GPC5: variants seen among roughly 807,000 people sequenced by gnomAD.
GPC5 encodes the protein glypican 5.
Under a neutral mutation model 53.9 loss-of-function variants are expected in GPC5, and 47 were observed. That is an observed-to-expected ratio of 0.87 (90% CI 0.69 to 1.11). The LOEUF is 1.11. GPC5 is among the 50% of genes most tolerant of loss of function. The probability of loss-of-function intolerance (pLI) is 0.00; values close to 1 mark genes in which losing one functional copy is unlikely to be tolerated. For synonymous variants in GPC5, 286 were observed against 263.3 expected (o/e 1.09, Z -0.84); for missense variants, 748 against 713.1 (o/e 1.05, Z -0.56).
At chr13:92,391,603 A>G (rs1414501926) in intron 7 of GPC5, among the ~76,000 whole-genome samples, 1 of 152,174 alleles carries the variant, frequency 6.6e-6, no homozygotes, top group African/African-American at 2.4e-5. Flanking sequence ...CTATAGATCA[A>G]TTTATTTGCT....
At chr13:92,653,453 G>A (rs1305396717) in intron 7 of GPC5, among the ~76,000 whole-genome samples, 1 of 152,154 alleles carries the variant, frequency 6.6e-6, no homozygotes, top group Non-Finnish European at 1.5e-5. Flanking sequence ...GACAGCATCT[G>A]CTAAAATGTC....
chr13:91,431,747 G>C (rs1879469291), intron 1 of GPC5, among the ~76,000 whole-genome samples: 1 of 152,192 alleles, frequency 6.6e-6, no homozygotes, highest in Non-Finnish European at 1.5e-5. Flanking sequence ...GGGATGTTGA[G>C]AGAGCTGTTC....
rs552260918 is a variant in GPC5, at chr13:92,811,489, G to A, written c.1562-54793G>A. On this transcript the variant is annotated intron_variant, in intron 7 of 7. Coordinates refer to ENST00000377067, the MANE Select transcript of GPC5 (RefSeq NM_004466.6). ...TGGGCTGTTCTGTTGATACTGAGTC[G>A]TAGCTATTCTTTATACATTCTAGAT... 5.3e-5 allele frequency among the ~76,000 whole-genome samples: 8 copies of A among 151,672 alleles called. No homozygotes were observed. The East Asian group carries it at 5.8e-4, about 11-fold the overall frequency.
intron 4 of GPC5, among the ~76,000 whole-genome samples, chr13:91,738,555 C>T (rs1566649975): frequency 1.3e-5 from 2 of 151,250 alleles, no homozygotes; most frequent in Admixed American, 6.6e-5. Flanking sequence ...TGCTGTCTTG[C>T]TCTTTTTTTT....
intron 7 of GPC5, among the ~76,000 whole-genome samples, chr13:92,562,673 T>C (rs2139031082): frequency 6.6e-6 from 1 of 152,106 alleles, no homozygotes; most frequent in East Asian, 1.9e-4. Context: ...TCATCATAGG[T>C]CTGGGGGCTA....
At chr13:92,834,197 T>A (rs1878146406) in intron 7 of GPC5, among the ~76,000 whole-genome samples, 1 of 152,208 alleles carries the variant, frequency 6.6e-6, no homozygotes, top group African/African-American at 2.4e-5. Context: ...ACACTTTGTC[T>A]ATTAACACAA....
intron 5 of GPC5, among the ~76,000 whole-genome samples, chr13:91,902,509 A>C (rs2039507489): frequency 1.3e-5 from 2 of 152,124 alleles, no homozygotes; most frequent in South Asian, 4.2e-4. Flanking sequence ...TAGAAGAAAG[A>C]AGCACAGATG....
intron 2 of GPC5, among the ~76,000 whole-genome samples, chr13:91,644,609 C>A (rs2034514173): frequency 6.6e-6 from 1 of 151,948 alleles, no homozygotes; most frequent in Non-Finnish European, 1.5e-5. Context: ...TCCTGTTACC[C>A]TTTGTAACAG....
At chr13:91,888,515 G>A (rs533243810) in intron 5 of GPC5, among the ~76,000 whole-genome samples, 4 of 152,280 alleles carry the variant, frequency 2.6e-5, no homozygotes, top group East Asian at 1.9e-4. Flanking sequence ...AGTTGTGAGC[G>A]AGTATTTATT....
intron 7 of GPC5, among the ~76,000 whole-genome samples, chr13:92,212,132 T>C (rs957647805): frequency 2.3e-4 from 34 of 150,416 alleles, no homozygotes; most frequent in African/African-American, 8.1e-4. Context: ...TTAGATGAGA[T>C]GGCCAGAAAA....
intron 2 of GPC5, among the ~76,000 whole-genome samples, chr13:91,533,855 T>C (rs1216436434): frequency 6.6e-6 from 1 of 152,150 alleles, no homozygotes; most frequent in Non-Finnish European, 1.5e-5. Context: ...TCCTTCCAAG[T>C]CTGAATCAGA....
intron 6 of GPC5, among the ~76,000 whole-genome samples, chr13:91,992,599 A>G (rs1421076200): frequency 6.6e-6 from 1 of 151,926 alleles, no homozygotes; most frequent in Admixed American, 6.6e-5. Context: ...CTTGGACTGC[A>G]GGCGTCAGCC....
At position 91,483,475 on chromosome 13, in the gene GPC5, C is replaced by T. The variant is rs573327547; in HGVS notation, c.325+34553C>T. Among the ~76,000 whole-genome samples, 12 of 152,234 alleles carry T rather than the reference C, an allele frequency of 7.9e-5. No individual in the cohort carries two copies. The East Asian group carries it at 2.3e-3, about 29-fold the overall frequency. ...TATTTCATGCACCCTGATGACTACT[C>T]CAGCCCTGTTGCCTATTATGACGCT... On this transcript the variant is annotated intron_variant, in intron 2 of 7. Coordinates refer to ENST00000377067, the MANE Select transcript of GPC5 (RefSeq NM_004466.6).
At chr13:91,639,565 C>T (rs2034368672) in intron 2 of GPC5, among the ~76,000 whole-genome samples, 1 of 152,200 alleles carries the variant, frequency 6.6e-6, no homozygotes, top group Non-Finnish European at 1.5e-5. Flanking sequence ...AGAACTTACT[C>T]TAATTGAGTC....
chr13:92,824,452 G>T (rs1209971888), intron 7 of GPC5, among the ~76,000 whole-genome samples: 1 of 151,958 alleles, frequency 6.6e-6, no homozygotes, highest in African/African-American at 2.4e-5. Flanking sequence ...CCCTTCTCTT[G>T]CTTGCTATAG....
chr13:92,712,727 C>T (rs1888180157), intron 7 of GPC5, among the ~76,000 whole-genome samples: 1 of 152,196 alleles, frequency 6.6e-6, no homozygotes, highest in Admixed American at 6.5e-5. Context: ...GAAGTCCTAA[C>T]CCAGAGTACC....
chr13:91,637,522 A>T (rs1373901096), intron 2 of GPC5, among the ~76,000 whole-genome samples: 1 of 152,224 alleles, frequency 6.6e-6, no homozygotes, highest in East Asian at 1.9e-4. Context: ...GTAGGTACCA[A>T]ATGAATTCAT....
At chr13:92,851,723 T>C (rs1376131072) in intron 7 of GPC5, among the ~76,000 whole-genome samples, 15 of 124,936 alleles carry the variant, frequency 1.2e-4, no homozygotes, top group Non-Finnish European at 5.3e-5. Context: ...CTACTAAAAA[T>C]GAAAAAAAAA....
At chr13:91,562,030 G>T (rs1212921839) in intron 2 of GPC5, among the ~76,000 whole-genome samples, 4 of 151,948 alleles carry the variant, frequency 2.6e-5, no homozygotes, top group Admixed American at 2.6e-4. Flanking sequence ...ACTGAACTCA[G>T]TTATCTCTGA....
Sources: gnomAD v4.1 joint callset for allele counts (sites outside exome capture counted in the v4.1 genomes callset) on GRCh38, gnomAD v4.1.1 for gene constraint, MANE v1.5 for transcripts, NCBI Gene and HGNC (gene_info 2026-07-23, HGNC 2026-07-21) for gene names.